Variants in LIMS1 observed in about 807,000 individuals in gnomAD.
LIMS1 encodes the protein LIM and senescent cell antigen-like-containing domain protein 1.
A neutral mutation model predicts 44.1 loss-of-function variants in LIMS1; 18 were observed. The ratio of observed to expected loss-of-function variants is 0.41; its 90% CI spans 0.28 to 0.61. The LOEUF is 0.61. LIMS1 is among the 20% of genes least tolerant of loss of function. The pLI is 0.32. For missense variants in LIMS1, 201 were observed against 422.0 expected (o/e 0.48, Z 4.59); for synonymous variants, 93 against 149.1 (o/e 0.62, Z 2.74).
At chr2:108,618,693 C>T (rs940638461) in intron 1 of LIMS1, among the ~76,000 whole-genome samples, 4 of 152,106 alleles carry the variant, frequency 2.6e-5, no homozygotes, top group East Asian at 3.9e-4. Flanking sequence ...GGCGTGGTTG[C>T]GCGTGCCTAT....
At chr2:108,617,131 G>T (rs553804400) in intron 1 of LIMS1, among the ~76,000 whole-genome samples, 1 of 152,298 alleles carries the variant, frequency 6.6e-6, no homozygotes, top group East Asian at 1.9e-4. Flanking sequence ...GCCCCAGTTA[G>T]CCATGGAAAC....
chr2:108,681,289 C>G (rs1290046562), intron 9 of LIMS1: 1 of 984,998 alleles, frequency 1.0e-6, no homozygotes. Flanking sequence ...TAGAACTGGT[C>G]CTTTTGCATA....
chr2:108,673,407 A>G (rs992766923), intron 5 of LIMS1: 10 of 310,816 alleles, frequency 3.2e-5, no homozygotes, highest in Non-Finnish European at 6.1e-5. Context: ...GCCTTGAGAC[A>G]GGGTCTCTCT....
exon 10 of LIMS1, chr2:108,684,083 T>G: frequency 1.4e-6 from 1 of 691,906 alleles, no homozygotes; most frequent in Non-Finnish European, 2.5e-6. Context: ...AAGCTATATC[T>G]CAAAGCAGTT....
intron 2 of LIMS1, among the ~76,000 whole-genome samples, chr2:108,661,863 C>T (rs113511868): frequency 0.019 from 2,858 of 151,990 alleles, 48 homozygotes; most frequent in African/African-American, 0.04. Context: ...CTATATGAAT[C>T]CCTTCTGTAT....
At chr2:108,667,428 C>A (rs1691836338) in intron 2 of LIMS1, among the ~76,000 whole-genome samples, 1 of 151,820 alleles carries the variant, frequency 6.6e-6, no homozygotes, top group Admixed American at 6.6e-5. Context: ...CAGTCTGGAT[C>A]CATGGTCAGT....
intron 1 of LIMS1, chr2:108,659,175 A>G: frequency 1.0e-6 from 1 of 955,992 alleles, no homozygotes; most frequent in Non-Finnish European, 1.2e-6. Context: ...TTTAGTTGAC[A>G]TGCATTTTAG....
At chr2:108,535,451 C>T (rs556747099) in intron 1 of LIMS1, among the ~76,000 whole-genome samples, 1 of 152,288 alleles carries the variant, frequency 6.6e-6, no homozygotes, top group African/African-American at 2.4e-5. Context: ...AGCTAAAGCT[C>T]CTGTCAGTGG....
chr2:108,578,956 T>A (rs12469775), intron 1 of LIMS1, among the ~76,000 whole-genome samples: 62,710 of 151,970 alleles, frequency 0.41, 14,870 homozygotes, highest in East Asian at 0.94. Context: ...GGGATATCAT[T>A]TTTTTGTTCC....
chr2:108,628,350 A>G (rs1688699254), intron 1 of LIMS1, among the ~76,000 whole-genome samples: 1 of 152,130 alleles, frequency 6.6e-6, no homozygotes, highest in African/African-American at 2.4e-5. Context: ...TATGGCTCAG[A>G]TACCATCCAT....
chr2:108,666,080 T>G (rs1268327318), intron 2 of LIMS1, among the ~76,000 whole-genome samples: 1 of 151,662 alleles, frequency 6.6e-6, no homozygotes, highest in Non-Finnish European at 1.5e-5. Flanking sequence ...GGACACCAGC[T>G]GGGCGTTCTC....
intron 1 of LIMS1, among the ~76,000 whole-genome samples, chr2:108,628,974 A>G (rs1342829233): frequency 2.0e-5 from 3 of 152,226 alleles, no homozygotes; most frequent in Non-Finnish European, 1.5e-5. Context: ...TTGACCATCT[A>G]TGCTTAAAGC....
At chr2:108,681,331 A>G in intron 9 of LIMS1, 1 of 984,516 alleles carries the variant, frequency 1.0e-6, no homozygotes, top group Non-Finnish European at 1.2e-6. Flanking sequence ...AAATGAATAC[A>G]CTCCATACTT....
intron 1 of LIMS1, among the ~76,000 whole-genome samples, chr2:108,550,274 T>A (rs915618442): frequency 1.9e-4 from 29 of 151,648 alleles, no homozygotes; most frequent in African/African-American, 6.3e-4. Context: ...GGTAGGAGGA[T>A]CGTGAGGTCA....
intron 2 of LIMS1, 25 bp downstream of exon 2, chr2:108,659,789 G>T (rs372794803): frequency 6.2e-7 from 1 of 1,612,024 alleles, no homozygotes; most frequent in African/African-American, 1.3e-5. Flanking sequence ...ACAAAAGCAG[G>T]GAGGTGCCAT....
chr2:108,542,010 T>C (rs1325615765), intron 1 of LIMS1, among the ~76,000 whole-genome samples: 1 of 152,246 alleles, frequency 6.6e-6, no homozygotes, highest in African/African-American at 2.4e-5. Context: ...CTTAATCAAA[T>C]TTGTTAAATA....
intron 1 of LIMS1, among the ~76,000 whole-genome samples, chr2:108,591,657 A>G (rs2378138): frequency 0.45 from 68,952 of 151,702 alleles, 16,888 homozygotes; most frequent in East Asian, 0.96. Flanking sequence ...ACAGAGTCTC[A>G]CTGTGTTGCC....
At chr2:108,539,203 A>G (rs1354687658) in intron 1 of LIMS1, among the ~76,000 whole-genome samples, 2 of 152,016 alleles carry the variant, frequency 1.3e-5, no homozygotes, top group Admixed American at 6.6e-5. Flanking sequence ...TTCACCTTAG[A>G]CTTCTGAGTA....
chr2:108,650,680 C>T (rs936165556), intron 1 of LIMS1, among the ~76,000 whole-genome samples: 16 of 152,114 alleles, frequency 1.1e-4, no homozygotes, highest in Non-Finnish European at 1.6e-4. Context: ...CCCGCCTCGG[C>T]CTCCCAAAGT....
Sources: gnomAD v4.1 joint callset for allele counts (sites outside exome capture counted in the v4.1 genomes callset) on GRCh38, gnomAD v4.1.1 for gene constraint, MANE v1.5 for transcripts, NCBI Gene and HGNC (gene_info 2026-07-23, HGNC 2026-07-21) for gene names.